TMEM232: variants seen among roughly 807,000 people sequenced by gnomAD.
TMEM232 encodes the protein transmembrane protein 232.
Under a neutral mutation model 78.8 loss-of-function variants are expected in TMEM232, and 80 were observed. The observed-to-expected ratio is 1.01, with a 90% confidence interval of 0.85 to 1.22. The LOEUF (loss-of-function observed/expected upper bound fraction) is 1.22. Ranked by LOEUF, TMEM232 falls within the 50% of genes most tolerant of loss-of-function variation. The pLI is 0.00. For synonymous variants in TMEM232, 297 were observed against 254.3 expected (o/e 1.17, Z -1.60); for missense variants, 881 against 742.2 (o/e 1.19, Z -2.17).
chr5:110,398,015 A>C (rs540283628), intron 2 of TMEM232, among the ~76,000 whole-genome samples: 7 of 152,316 alleles, frequency 4.6e-5, no homozygotes, highest in African/African-American at 1.7e-4. Flanking sequence ...AAAAGGGGAC[A>C]CAGAGAACTC....
At chr5:110,561,105 C>T (rs956889839) in intron 11 of TMEM232, among the ~76,000 whole-genome samples, 1 of 151,962 alleles carries the variant, frequency 6.6e-6, no homozygotes, top group African/African-American at 2.4e-5. Flanking sequence ...GTTAACAATC[C>T]TTTTTATATT....
At chr5:110,694,808 C>A (rs964576019) in intron 1 of TMEM232, among the ~76,000 whole-genome samples, 5 of 152,078 alleles carry the variant, frequency 3.3e-5, no homozygotes, top group African/African-American at 1.2e-4. Context: ...AAAGCAAGTC[C>A]TTAGTGACCT....
chr5:110,698,217 A>G (rs1580712666), intron 1 of TMEM232, among the ~76,000 whole-genome samples: 2 of 151,498 alleles, frequency 1.3e-5, no homozygotes, highest in African/African-American at 2.4e-5. Context: ...GTTCTCACTC[A>G]TAGGTGGGAA....
upstream of TMEM232, among the ~76,000 whole-genome samples, chr5:110,729,367 C>A (rs891905579): frequency 7.9e-5 from 12 of 152,152 alleles, no homozygotes; most frequent in African/African-American, 2.9e-4. Context: ...CAAACGCATA[C>A]CACCCCCTGC....
intron 12 of TMEM232, among the ~76,000 whole-genome samples, chr5:110,453,100 C>T (rs916096626): frequency 6.6e-6 from 1 of 152,012 alleles, no homozygotes; most frequent in Non-Finnish European, 1.5e-5. Context: ...AATTGCTATT[C>T]CTTGTTAACA....
intron 12 of TMEM232, among the ~76,000 whole-genome samples, chr5:110,517,905 C>G (rs1421013585): frequency 6.6e-6 from 1 of 152,182 alleles, no homozygotes; most frequent in Non-Finnish European, 1.5e-5. Flanking sequence ...TGGGTCTTAA[C>G]CCCACCTGCT....
intron 12 of TMEM232, among the ~76,000 whole-genome samples, chr5:110,427,629 C>A (rs1757386998): frequency 6.6e-6 from 1 of 151,868 alleles, no homozygotes; most frequent in Non-Finnish European, 1.5e-5. Context: ...AAAAAAAATT[C>A]TAAATCAAAG....
At chr5:110,437,431 G>A (rs116485051) in intron 12 of TMEM232, among the ~76,000 whole-genome samples, 2 of 151,854 alleles carry the variant, frequency 1.3e-5, no homozygotes, top group African/African-American at 4.8e-5. Flanking sequence ...ATAAAGAAAA[G>A]CAACAAAATG....
At chr5:110,678,694 A>AC (rs1247964616) in intron 1 of TMEM232, among the ~76,000 whole-genome samples, 2 of 149,264 alleles carry the variant, frequency 1.3e-5, no homozygotes, top group Non-Finnish European at 3.0e-5. Context: ...CAGCACCCCG[A>AC]CCCCCCACCA....
chr5:110,517,234 G>A (rs1419779189), intron 12 of TMEM232, among the ~76,000 whole-genome samples: 1 of 152,180 alleles, frequency 6.6e-6, no homozygotes, highest in Non-Finnish European at 1.5e-5. Flanking sequence ...CTCAGGTGTT[G>A]ATTCACTCTA....
chr5:110,643,432 T>A (rs1052788732), intron 2 of TMEM232, among the ~76,000 whole-genome samples: 1 of 151,966 alleles, frequency 6.6e-6, no homozygotes. Context: ...AGGGAAAATG[T>A]AGAGAGAGTA....
intron 11 of TMEM232, among the ~76,000 whole-genome samples, chr5:110,559,351 G>A (rs559990915): frequency 8.9e-4 from 136 of 151,986 alleles, no homozygotes; most frequent in African/African-American, 3.2e-3. Context: ...AATGAATGGC[G>A]TTACAATTTT....
At chr5:110,661,500 G>T (rs559697315) in intron 2 of TMEM232, among the ~76,000 whole-genome samples, 58 of 152,060 alleles carry the variant, frequency 3.8e-4, no homozygotes, top group African/African-American at 1.1e-3. Flanking sequence ...TTTTGTAGAG[G>T]CGGGTTTTGC....
At chr5:110,692,031 T>C (rs1794177505) in intron 1 of TMEM232, among the ~76,000 whole-genome samples, 1 of 152,100 alleles carries the variant, frequency 6.6e-6, no homozygotes, top group Non-Finnish European at 1.5e-5. Context: ...AGCCATTCTC[T>C]TGCCTCAGCC....
chr5:110,651,256 C>T (rs1338001637), intron 2 of TMEM232, among the ~76,000 whole-genome samples: 2 of 151,958 alleles, frequency 1.3e-5, no homozygotes, highest in Admixed American at 6.6e-5. Flanking sequence ...GTGATCCATG[C>T]TGTGAAAATT....
intron 10 of TMEM232, among the ~76,000 whole-genome samples, chr5:110,589,058 GA>G (rs1313046834): frequency 2.0e-5 from 3 of 152,020 alleles, no homozygotes; most frequent in Non-Finnish European, 4.4e-5. Flanking sequence ...AGGAACATAG[GA>G]AGACGGCATT....
In TMEM232 at chr5:110,423,780, C is replaced by CGTGTGTGTGT. The variant is rs146104536; in HGVS notation, c.1797+1033_1797+1042dup. ...AGACCAAAGTAGTTATTTATGCGTG[C>CGTGTGTGTGT]GTGTGTGTGTGTGTGTGTGTGTGTG... On this transcript the variant is annotated intron_variant, in intron 13 of 13. Coordinates refer to ENST00000455884, the MANE Select transcript of TMEM232 (RefSeq NM_001039763.4). 7.8e-3 allele frequency among the ~76,000 whole-genome samples: 1,109 copies of CGTGTGTGTGT among 142,470 alleles called. 21 individuals carry two copies. Among genetic ancestry groups the CGTGTGTGTGT allele is most frequent in the Admixed American group, 0.053 (755 of 14,266 alleles). 93.5% of individuals were successfully genotyped at this position (142,470 alleles called of 152,430 possible).
upstream of TMEM232, among the ~76,000 whole-genome samples, chr5:110,729,426 G>A (rs372828754): frequency 5.9e-5 from 9 of 152,046 alleles, no homozygotes; most frequent in East Asian, 1.9e-4. Flanking sequence ...ATCAAGACTC[G>A]GATGTTAGAC....
upstream of TMEM232, among the ~76,000 whole-genome samples, chr5:110,729,164 C>T (rs985423578): frequency 1.3e-5 from 2 of 152,144 alleles, no homozygotes; most frequent in African/African-American, 2.4e-5. Context: ...GGATTAAAGG[C>T]GTGAGCCACC....
Sources: gnomAD v4.1 joint callset for allele counts (sites outside exome capture counted in the v4.1 genomes callset) on GRCh38, gnomAD v4.1.1 for gene constraint, MANE v1.5 for transcripts, NCBI Gene and HGNC (gene_info 2026-07-23, HGNC 2026-07-21) for gene names.